PAK1: variants seen among roughly 807,000 people sequenced by gnomAD.
PAK1 encodes the protein p21 (RAC1) activated kinase 1, also known as serine/threonine-protein kinase PAK 1.
A neutral mutation model predicts 67.4 loss-of-function variants in PAK1; 29 were observed. That is an observed-to-expected ratio of 0.43 (90% CI 0.32 to 0.59). The LOEUF (loss-of-function observed/expected upper bound fraction) is 0.59, where lower values mean the gene tolerates loss of function less well. Among genes scored for constraint, PAK1 ranks in the 20% least tolerant of loss-of-function variants. The pLI is 0.07. For missense variants in PAK1, 337 were observed against 670.7 expected, an observed-to-expected ratio of 0.50 and a Z score of 5.50; for synonymous variants, 223 against 237.4, an observed-to-expected ratio of 0.94 and a Z score of 0.56.
the PAK1 span, among the ~76,000 whole-genome samples, chr11:77,513,410 T>C: frequency 1.3e-5 from 2 of 152,160 alleles, no homozygotes; most frequent in Admixed American, 1.3e-4. Context: ...GGCTCATGCC[T>C]GTAATCCCAG....
At chr11:77,341,967 A>C (rs1391191988) in intron 10 of PAK1, among the ~76,000 whole-genome samples, 3 of 152,192 alleles carry the variant, frequency 2.0e-5, no homozygotes, top group African/African-American at 7.2e-5. Context: ...CTCTTTTGAG[A>C]GAGAAGACTA....
At chr11:77,510,665 A>G in the PAK1 span, among the ~76,000 whole-genome samples, 2 of 152,214 alleles carry the variant, frequency 1.3e-5, no homozygotes, top group African/African-American at 2.4e-5. Flanking sequence ...GCAATTGATA[A>G]TTTGGAAGTT....
At chr11:77,492,371 T>C in the PAK1 span, among the ~76,000 whole-genome samples, 1 of 148,574 alleles carries the variant, frequency 6.7e-6, no homozygotes, top group Non-Finnish European at 1.5e-5. Context: ...AAAAAAAAAC[T>C]CAAAAGCCAG....
intron 1 of PAK1, among the ~76,000 whole-genome samples, chr11:77,467,094 C>T (rs1003979927): frequency 1.3e-5 from 2 of 152,312 alleles, no homozygotes; most frequent in East Asian, 1.9e-4. Context: ...CCCAAACAGG[C>T]TCTCAAATCT....
At chr11:77,504,286 A>C in the PAK1 span, among the ~76,000 whole-genome samples, 2 of 129,692 alleles carry the variant, frequency 1.5e-5, no homozygotes, top group Non-Finnish European at 3.2e-5. Context: ...TTTCTAAAGC[A>C]AAAAAAAAAA....
chr11:77,358,307 C>T (rs1470869468), intron 6 of PAK1, among the ~76,000 whole-genome samples: 1 of 151,640 alleles, frequency 6.6e-6, no homozygotes, highest in Admixed American at 6.6e-5. Context: ...GGCACAGGGA[C>T]TAGATGTTTC....
chr11:77,492,148 G>A, the PAK1 span, among the ~76,000 whole-genome samples: 1 of 152,106 alleles, frequency 6.6e-6, no homozygotes, highest in African/African-American at 2.4e-5. Context: ...ATACAGAGAT[G>A]GATCACGAAC....
At chr11:77,409,815 A>G (rs1168833902) in intron 1 of PAK1, among the ~76,000 whole-genome samples, 1 of 152,164 alleles carries the variant, frequency 6.6e-6, no homozygotes, top group Non-Finnish European at 1.5e-5. Flanking sequence ...GAAGGGGGAA[A>G]AAAAGATATA....
intron 1 of PAK1, among the ~76,000 whole-genome samples, chr11:77,427,295 G>T (rs1252605808): frequency 1.3e-5 from 2 of 152,184 alleles, no homozygotes; most frequent in African/African-American, 2.4e-5. Flanking sequence ...TTTTTAGTAG[G>T]ATGATGTCAC....
the PAK1 span, among the ~76,000 whole-genome samples, chr11:77,500,399 G>A: frequency 5.9e-5 from 9 of 151,432 alleles, no homozygotes; most frequent in South Asian, 6.3e-4. Context: ...CCCAGGCAGC[G>A]AAGGTTGCAG....
intron 1 of PAK1, among the ~76,000 whole-genome samples, chr11:77,470,516 C>T (rs1416250081): frequency 1.3e-5 from 2 of 152,026 alleles, no homozygotes; most frequent in Non-Finnish European, 2.9e-5. Context: ...TTATAGTAAA[C>T]GGATGAATAA....
chr11:77,368,414 G>T (rs144241362), intron 5 of PAK1, among the ~76,000 whole-genome samples: 5 of 152,210 alleles, frequency 3.3e-5, no homozygotes, highest in Admixed American at 6.5e-5. Context: ...CCCATTTTGA[G>T]ACCTGAAAGG....
intron 14 of PAK1, among the ~76,000 whole-genome samples, chr11:77,329,855 C>G (rs144161472): frequency 0.029 from 4,352 of 152,248 alleles, 196 homozygotes; most frequent in African/African-American, 0.098. Flanking sequence ...TCCCTGTTTG[C>G]AGATGACATG....
intron 14 of PAK1, among the ~76,000 whole-genome samples, chr11:77,328,492 T>C (rs373787338): frequency 0.032 from 4,913 of 152,074 alleles, 133 homozygotes; most frequent in African/African-American, 0.081. Flanking sequence ...CACTCAAAAC[T>C]GCTCAACTAC....
At chr11:77,384,612 C>G (rs1950229810) in intron 2 of PAK1, among the ~76,000 whole-genome samples, 2 of 152,072 alleles carry the variant, frequency 1.3e-5, no homozygotes, top group Admixed American at 6.6e-5. Flanking sequence ...ATGGATGAAC[C>G]TTGAAAACAT....
intron 1 of PAK1, among the ~76,000 whole-genome samples, chr11:77,451,395 C>T (rs1164903927): frequency 6.6e-6 from 1 of 152,166 alleles, no homozygotes; most frequent in African/African-American, 2.4e-5. Flanking sequence ...TTCCCTCCAA[C>T]CCTGATCCTA....
the PAK1 span, among the ~76,000 whole-genome samples, chr11:77,494,242 GTAAA>G: frequency 1.3e-5 from 2 of 152,246 alleles, no homozygotes; most frequent in South Asian, 2.1e-4. Flanking sequence ...AGGTGAATAA[GTAAA>G]TAAATAAATG....
At chr11:77,396,607 A>C (rs552086305) in intron 1 of PAK1, among the ~76,000 whole-genome samples, 4 of 152,242 alleles carry the variant, frequency 2.6e-5, no homozygotes, top group Non-Finnish European at 5.9e-5. Flanking sequence ...TAAATCTTGT[A>C]TCTTAGAGCT....
intron 11 of PAK1, among the ~76,000 whole-genome samples, chr11:77,339,273 T>A (rs542446410): frequency 1.5e-4 from 23 of 152,214 alleles, no homozygotes; most frequent in African/African-American, 5.5e-4. Flanking sequence ...TCCCAAAGTA[T>A]ACATATGCAT....
Sources: gnomAD v4.1 joint callset for allele counts (sites outside exome capture counted in the v4.1 genomes callset) on GRCh38, gnomAD v4.1.1 for gene constraint, MANE v1.5 for transcripts, NCBI Gene and HGNC (gene_info 2026-07-23, HGNC 2026-07-21) for gene names.